TP63: variants seen among roughly 807,000 people sequenced by gnomAD.
The protein encoded by TP63 is tumor protein p63.
In TP63, 17 loss-of-function variants were observed where a neutral mutation model predicts 82.8. The ratio of observed to expected loss-of-function variants is 0.21; its 90% confidence interval spans 0.14 to 0.31. TP63 has a LOEUF of 0.31. TP63 is among the 10% of genes least tolerant of loss of function. TP63 has a pLI of 1.00. For missense variants in TP63, 648 were observed against 895.3 expected, an observed-to-expected ratio of 0.72 and a Z score of 3.52; for synonymous variants, 330 against 321.7, an observed-to-expected ratio of 1.03 and a Z score of -0.28.
intron 1 of TP63, among the ~76,000 whole-genome samples, chr3:189,667,447 A>C (rs1042592826): frequency 6.6e-6 from 1 of 152,118 alleles, no homozygotes; most frequent in African/African-American, 2.4e-5. Flanking sequence ...TGCTGGGATT[A>C]GAGGTGCGAG....
At chr3:189,658,597 C>T (rs1029113663) in intron 1 of TP63, among the ~76,000 whole-genome samples, 1 of 151,934 alleles carries the variant, frequency 6.6e-6, no homozygotes, top group African/African-American at 2.4e-5. Context: ...ATCCATAACG[C>T]TAATTCTAAT....
rs116354005 is a variant in TP63, at chr3:189,851,015, A to G, written c.580-13217A>G. 4.6e-3 allele frequency among the ~76,000 whole-genome samples: 702 copies of G among 152,348 alleles called. 6 individuals are homozygous for G. The highest frequency in any genetic ancestry group is 0.016 in the African/African-American group (670 of 41,570). On this transcript the variant is annotated intron_variant, in intron 4 of 13. Transcript: ENST00000264731. The stretch of plus-strand genomic sequence containing the variant: ...GTGCTGTCTTAAAATTACTTAAGCT[A>G]TGTTAAACACTTTATGTGGAGAATC...
the TP63 span, among the ~76,000 whole-genome samples, chr3:189,623,816 C>A: frequency 6.6e-6 from 1 of 151,284 alleles, no homozygotes; most frequent in East Asian, 1.9e-4. Context: ...AGACCAGACA[C>A]ACTAAAGGTC....
intron 3 of TP63, among the ~76,000 whole-genome samples, chr3:189,791,039 G>GA (rs1725086001): frequency 6.6e-6 from 1 of 152,130 alleles, no homozygotes; most frequent in Non-Finnish European, 1.5e-5. Flanking sequence ...GTCCTCAGTA[G>GA]AGAAACTTGA....
intron 1 of TP63, among the ~76,000 whole-genome samples, chr3:189,663,649 TC>T (rs1714129439): frequency 6.8e-6 from 1 of 146,800 alleles, no homozygotes; most frequent in Non-Finnish European, 1.5e-5. Flanking sequence ...TGCCTCAGCC[TC>T]CTGAGTAACT....
At chr3:189,811,457 C>A (rs1429552708) in intron 4 of TP63, among the ~76,000 whole-genome samples, 1 of 152,062 alleles carries the variant, frequency 6.6e-6, no homozygotes, top group Non-Finnish European at 1.5e-5. Flanking sequence ...CTTTCTTGTT[C>A]ACAACCAGGC....
intron 3 of TP63, among the ~76,000 whole-genome samples, chr3:189,800,181 G>A (rs1351342548): frequency 6.6e-6 from 1 of 152,104 alleles, no homozygotes; most frequent in Non-Finnish European, 1.5e-5. Context: ...TTGGAAAACA[G>A]CTGGCATGTG....
At chr3:189,648,270 A>G (rs1297224608) in intron 1 of TP63, among the ~76,000 whole-genome samples, 6 of 147,016 alleles carry the variant, frequency 4.1e-5, no homozygotes, top group African/African-American at 1.5e-4. Context: ...TTTCTTATTT[A>G]TGTTATTTTG....
rs149778144 is a variant in TP63, at chr3:189,840,936, G to T, written c.580-23296G>T. 1.4e-4 allele frequency among the ~76,000 whole-genome samples: 21 copies of T among 151,530 alleles called. No individual in the cohort carries two copies. In the East Asian group the frequency reaches 3.7e-3, roughly 27 times the overall value. On this transcript the variant is annotated intron_variant, in intron 4 of 13. Coordinates refer to ENST00000264731, the MANE Select transcript of TP63 (RefSeq NM_003722.5). ...GGCTTTGAAGCTAGAGAGCGCTTTG[G>T]AATTCATGCTCCATTATATGTGTGT...
rs73892306 is a variant in TP63 at position 189,681,495 on chromosome 3, G to A, written c.62+49918G>A. On this transcript the variant is annotated intron_variant, in intron 1 of 13. Transcript: ENST00000264731. ...TGCTACCAAGCTTGCATCTTAGCATGATTTCTTTCTCATGAACTTAAATCC... is the reference window on the plus strand; with the variant it reads ...TGCTACCAAGCTTGCATCTTAGCATAATTTCTTTCTCATGAACTTAAATCC... 0.014 allele frequency among the ~76,000 whole-genome samples: 2,130 copies of A among 152,266 alleles called. 51 individuals carry two copies. Among genetic ancestry groups the A allele is most frequent in the African/African-American group, 0.049 (2,024 of 41,552 alleles).
chr3:189,879,298 A>G (rs1278953352), intron 10 of TP63, among the ~76,000 whole-genome samples: 1 of 152,232 alleles, frequency 6.6e-6, no homozygotes, highest in Non-Finnish European at 1.5e-5. Flanking sequence ...ACAGTTCATG[A>G]GATTGCCCAA....
intron 1 of TP63, among the ~76,000 whole-genome samples, chr3:189,716,027 T>C (rs1718932111): frequency 6.6e-6 from 1 of 152,212 alleles, no homozygotes; most frequent in Non-Finnish European, 1.5e-5. Flanking sequence ...TACATCTCAT[T>C]TACTCATACA....
intron 1 of TP63, among the ~76,000 whole-genome samples, chr3:189,678,632 T>C (rs1715651772): frequency 3.3e-5 from 5 of 152,094 alleles, no homozygotes; most frequent in Admixed American, 3.3e-4. Context: ...ATGACATTGG[T>C]ATTTTGATAG....
chr3:189,892,321 A>G (rs1280588803), intron 13 of TP63, among the ~76,000 whole-genome samples: 1 of 152,128 alleles, frequency 6.6e-6, no homozygotes, highest in Admixed American at 6.5e-5. Flanking sequence ...TTATAAGTTC[A>G]TTTCTGCTGA....
At position 189,833,832 on chromosome 3, in the gene TP63, G is replaced by A. The variant is rs550895033; in HGVS notation, c.579+25306G>A. 1.2e-4 allele frequency among the ~76,000 whole-genome samples: 19 copies of A among 152,156 alleles called. No individual in the cohort carries two copies. The East Asian group carries it at 3.7e-3, about 29-fold the overall frequency. Reference sequence around the variant, plus strand: ...TCCACTGAATTTAAAAATTAGAGCAGCATTTTGCAGTTAAAAACGATTATT... The same window carrying A: ...TCCACTGAATTTAAAAATTAGAGCAACATTTTGCAGTTAAAAACGATTATT... On this transcript the variant is annotated intron_variant, in intron 4 of 13. Coordinates refer to ENST00000264731, the MANE Select transcript of TP63 (RefSeq NM_003722.5).
chr3:189,819,685 CT>C (rs1217296928), intron 4 of TP63, among the ~76,000 whole-genome samples: 4 of 150,852 alleles, frequency 2.7e-5, no homozygotes, highest in Non-Finnish European at 5.9e-5. Flanking sequence ...CCAAAAGATA[CT>C]TCATTCTTTA....
At position 189,896,297 on chromosome 3, in the gene TP63, T is replaced by TC. The variant is rs1241290871; in HGVS notation, c.*1796dup. On this transcript the variant is annotated 3_prime_UTR_variant, in exon 14 of 14. Transcript: ENST00000264731. Reference sequence around the variant, plus strand: ...CTTTGTATTTTGATTATTTTTTTTTTCTTCTTGGGATAGTGGGATTTCCAG... The same window carrying TC: ...CTTTGTATTTTGATTATTTTTTTTTTCCTTCTTGGGATAGTGGGATTTCCAG... 4.6e-6 allele frequency: 1 copy of TC among 215,084 alleles called. No individual in the cohort carries two copies. The highest frequency in any genetic ancestry group is 9.4e-6 in the Non-Finnish European group (1 of 106,314). The allele number at this position is 215,084 out of a possible 1,614,324, so 13.3% of individuals were successfully genotyped here.
intron 13 of TP63, among the ~76,000 whole-genome samples, chr3:189,891,676 G>A (rs1406613166): frequency 6.6e-5 from 10 of 152,180 alleles, no homozygotes; most frequent in Admixed American, 6.5e-4. Context: ...AGCTGGGCGA[G>A]AGGGGACTTT....
intron 3 of TP63, among the ~76,000 whole-genome samples, chr3:189,759,155 G>A (rs73055275): frequency 0.016 from 2,418 of 152,240 alleles, 80 homozygotes; most frequent in African/African-American, 0.053. Context: ...GGTTCTCACC[G>A]TGTGTTCTCA....
Sources: allele counts gnomAD v4.1 joint callset (sites outside exome capture counted in the v4.1 genomes callset), GRCh38; gene constraint gnomAD v4.1.1; transcripts MANE v1.5; gene names NCBI Gene and HGNC (gene_info 2026-07-23, HGNC 2026-07-21).